The following ARHGAP4 variants were observed in gnomAD, a reference collection of about 807,000 sequenced individuals.
ARHGAP4 encodes the protein Rho GTPase activating protein 4.
A neutral mutation model predicts 67.6 loss-of-function variants in ARHGAP4; 25 were observed. The observed-to-expected ratio is 0.37, with a 90% confidence interval of 0.27 to 0.52. ARHGAP4 has a LOEUF of 0.52. ARHGAP4 is among the 20% of genes least tolerant of loss of function. The pLI is 0.92. For missense variants in ARHGAP4, 804 were observed against 854.6 expected (o/e 0.94, Z 0.74); for synonymous variants, 448 against 373.7 (o/e 1.20, Z -2.29).
intron 21 of ARHGAP4, among the ~76,000 whole-genome samples, chrX:153,908,460 G>A (rs782487906): frequency 2.7e-5 from 3 of 112,180 alleles, no homozygotes; most frequent in South Asian, 3.7e-4. Flanking sequence ...ACTGTCCCGC[G>A]GGCTTCCACG....
intron 19 of ARHGAP4, 39 bp downstream of exon 19, chrX:153,909,702 C>A: frequency 8.7e-7 from 1 of 1,152,854 alleles, no homozygotes; most frequent in South Asian, 2.0e-5. Flanking sequence ...GAAGGGGAGA[C>A]TCCGGGAGCC....
At chrX:153,925,962 G>T (rs920414200) in intron 1 of ARHGAP4, among the ~76,000 whole-genome samples, 174 bp downstream of exon 1, 6 of 112,726 alleles carry the variant, frequency 5.3e-5, no homozygotes, top group Non-Finnish European at 7.5e-5. Flanking sequence ...AGGCGGTTGA[G>T]GCCAAATGGG....
intron 7 of ARHGAP4, among the ~76,000 whole-genome samples, chrX:153,914,799 A>G (rs2065044223): frequency 8.9e-6 from 1 of 112,185 alleles, no homozygotes; most frequent in African/African-American, 3.2e-5. Context: ...TGGACGGAAA[A>G]ACTGCTCACT....
chrX:153,922,031 GA>G (rs2065099078), intron 1 of ARHGAP4: 1 of 932,145 alleles, frequency 1.1e-6, no homozygotes, highest in Admixed American at 4.3e-5. Context: ...CCTCTGCGCT[GA>G]GGCCAACAGA....
At chrX:153,925,741 A>C (rs1439332821) in intron 1 of ARHGAP4, among the ~76,000 whole-genome samples, 2 of 111,327 alleles carry the variant, frequency 1.8e-5, no homozygotes, top group Non-Finnish European at 3.8e-5. Flanking sequence ...CAATCCACTC[A>C]CCCGGACTCC....
chrX:153,921,148 C>A lies in ARHGAP4; in HGVS notation c.447G>T (p.Leu149=). The part of the protein sequence containing the change: ...VGRLVKKSRD[L]EQQLQDELLE... The stretch of plus-strand genomic sequence containing the variant: ...GGAGCTCATCCTGCAGCTGCTGCTC[C>A]AGATCCCTGCTCTAGAGGCAGAGGC... The change falls in exon 4 of 22, where the codon CTG becomes CTT. Residue 149 remains leucine, a synonymous_variant. Coordinates refer to ENST00000350060, the MANE Select transcript of ARHGAP4 (RefSeq NM_001666.5). 1 of 1,201,628 alleles carries A rather than the reference C, an allele frequency of 8.3e-7. No homozygotes were observed. The highest frequency in any genetic ancestry group is 1.1e-6 in the Non-Finnish European group (1 of 889,977).
intron 7 of ARHGAP4, among the ~76,000 whole-genome samples, chrX:153,914,529 CCGCTAAAAA>C (rs2065042165): frequency 9.0e-6 from 1 of 111,534 alleles, no homozygotes; most frequent in Non-Finnish European, 1.9e-5. Context: ...AACCCTGTCT[CCGCTAAAAA>C]TACAAAAAAT....
At chrX:153,926,041 A>G in intron 1 of ARHGAP4, 95 bp downstream of exon 1, 6 of 1,105,365 alleles carry the variant, frequency 5.4e-6, no homozygotes, top group Non-Finnish European at 7.3e-6. Context: ...TGGGGAGAGC[A>G]TCGGGCCCTG....
chrX:153,918,248 G>C (rs782815972), intron 7 of ARHGAP4, among the ~76,000 whole-genome samples: 1 of 110,095 alleles, frequency 9.1e-6, no homozygotes, highest in Non-Finnish European at 1.9e-5. Context: ...TGTGAGAGAT[G>C]CTGGTGGCAC....
Position 153,921,197 on chromosome X carries a change from G to A in ARHGAP4, c.436-38C>T, listed in dbSNP as rs1557105221. On this transcript the variant is annotated intron_variant, in intron 3 of 21. Transcript: ENST00000350060. ...GCAAGGGTGAGCACGGCACTGCCCA[G>A]AGCGGCCCCGCCAGGCACTGGAAGC... 3.4e-6 allele frequency: 4 copies of A among 1,183,554 alleles called. No homozygotes were observed. In the African/African-American group the frequency reaches 7.0e-5, roughly 21 times the overall value.
chrX:153,922,447 C>G, intron 1 of ARHGAP4: 5 of 751,623 alleles, frequency 6.7e-6, no homozygotes, highest in Non-Finnish European at 7.8e-6. Context: ...ACCCCACTTC[C>G]CACTCCCAAT....
chrX:153,926,047 C>T, intron 1 of ARHGAP4, 89 bp downstream of exon 1: 5 of 1,121,770 alleles, frequency 4.5e-6, no homozygotes, highest in Non-Finnish European at 6.0e-6. Flanking sequence ...GAGCATCGGG[C>T]CCTGGGCCAG....
At chrX:153,926,048 C>T (rs2065126058) in intron 1 of ARHGAP4, 88 bp downstream of exon 1, 3 of 1,125,699 alleles carry the variant, frequency 2.7e-6, no homozygotes, top group Non-Finnish European at 2.4e-6. Flanking sequence ...AGCATCGGGC[C>T]CTGGGCCAGC....
Position 153,907,823 on chromosome X carries a change from C to T in ARHGAP4, c.2747G>A (p.Gly916Asp). The stretch of plus-strand genomic sequence containing the variant: ...GCCCCGGGAGAAGCCTTTGTTCCTG[C>T]CCAGGCGGCTGCTGGGCGGGGCCTT... ...SPKAPPSSRL[G>D]RNKGFSRGPG... Residue 916 changes from glycine (G) to aspartate (D), a missense_variant, in exon 22 of 22, where the codon GGC (glycine) becomes GAC (aspartate). This residue lies in a region of ARHGAP4 where 400 missense variants were observed against 348.7 expected (regional missense o/e 1.15). Coordinates refer to ENST00000350060, the MANE Select transcript of ARHGAP4 (RefSeq NM_001666.5). 9.9e-7 allele frequency: 1 copy of T among 1,012,699 alleles called. No individual in the cohort carries two copies. The highest frequency in any genetic ancestry group is 1.3e-6 in the Non-Finnish European group (1 of 789,625). 83.5% of individuals were successfully genotyped at this position (1,012,699 alleles called of 1,213,427 possible).
At position 153,920,738 on chromosome X, in the gene ARHGAP4, C is replaced by T. The variant is rs1476077852; in HGVS notation, c.569G>A (p.Arg190Gln). The T allele has an allele frequency of 2.5e-6, 3 of 1,212,105 alleles. No homozygotes were observed. The highest frequency in any genetic ancestry group is 3.3e-6 in the Non-Finnish European group (3 of 895,619). ...NAEAKLREAE[R>Q]QEEKRAGRSV... The stretch of plus-strand genomic sequence containing the variant: ...CCGGCCTGCCCGCTTCTCCTCCTGC[C>T]GCTCGGCCTCCCGGAGCTTGGCCTC... Residue 190 changes from arginine (R) to glutamine (Q), a missense_variant, in exon 5 of 22, where the codon CGG (arginine) becomes CAG (glutamine). Transcript: ENST00000350060.
chrX:153,918,938 A>C lies in ARHGAP4; in HGVS notation c.926T>G (p.Val309Gly), dbSNP rs1293728849. 8.3e-7 allele frequency: 1 copy of C among 1,210,628 alleles called. No homozygotes were observed. Among genetic ancestry groups the C allele is most frequent in the Non-Finnish European group, 1.1e-6 (1 of 895,251 alleles). ...VQGLGSLEEA[V>G]EALDPPGDKA... ...GTCCCCTGGAGGATCCAGGGCCTCC[A>C]CAGCTTCTTCCAGGCTGCCCAGGCC... is the stretch of plus-strand genomic sequence containing the variant. The change falls in exon 7 of 22, where the codon GTG becomes GGG. Residue 309 changes from valine to glycine, a missense_variant. This residue lies in a region of ARHGAP4 where 404 missense variants were observed against 505.9 expected (regional missense o/e 0.80). Coordinates refer to ENST00000350060, the MANE Select transcript of ARHGAP4 (RefSeq NM_001666.5).
Position 153,909,876 on chromosome X carries a change from C to T in ARHGAP4, c.2279G>A (p.Arg760His), listed in dbSNP as rs782240081. The T allele has an allele frequency of 1.0e-5, 12 of 1,203,991 alleles. No individual in the cohort carries two copies. The highest frequency in any genetic ancestry group is 1.2e-5 in the Non-Finnish European group (11 of 892,341). Residue 760 changes from arginine (R) to histidine (H), a missense_variant, in exon 19 of 22, where the codon CGC becomes CAC. Arg to His is a conservative substitution (Grantham distance 29, BLOSUM62 0). This residue lies in a region of ARHGAP4 where 400 missense variants were observed against 348.7 expected (regional missense o/e 1.15). Transcript: ENST00000350060. ...CCGGAAGCTCAGCTCCTGGGCTGTG[C>T]GGCCCGTGTAGGCAAAGCAGGCCAC... ...EAVACFAYTG[R>H]TAQELSFRRG...
chrX:153,919,622 C>T, intron 5 of ARHGAP4: 1 of 1,167,192 alleles, frequency 8.6e-7, no homozygotes, highest in Non-Finnish European at 1.1e-6. Flanking sequence ...CACGAGAAAC[C>T]CAGCTTGGAG....
chrX:153,910,914 G>T lies in ARHGAP4; in HGVS notation c.1681+8C>A. Reference sequence around the variant, plus strand: ...GCCCCCACCCCCGCCCGCCCTGCCCGTCCCCACCTCTCTCGAAGGCATCAC... The same window carrying T: ...GCCCCCACCCCCGCCCGCCCTGCCCTTCCCCACCTCTCTCGAAGGCATCAC... On this transcript the variant is annotated splice_region_variant and intron_variant, in intron 14 of 21. Transcript: ENST00000350060. The T allele has an allele frequency of 5.0e-6, 2 of 401,851 alleles. No individual in the cohort carries two copies. Among genetic ancestry groups the T allele is most frequent in the African/African-American group, 6.5e-5 (1 of 15,452 alleles). 33.1% of individuals were successfully genotyped at this position (401,851 alleles called of 1,213,427 possible).
Sources: allele counts gnomAD v4.1 joint callset (sites outside exome capture counted in the v4.1 genomes callset), GRCh38; gene constraint gnomAD v4.1.1; regional missense constraint gnomAD v4.1.1; transcripts MANE v1.5; gene names NCBI Gene and HGNC (gene_info 2026-07-23, HGNC 2026-07-21).